Variants in PKP4 observed in about 807,000 individuals in gnomAD.
PKP4 encodes the protein plakophilin 4, also known as plakophilin-4.
In PKP4, 90 loss-of-function variants were observed where a neutral mutation model predicts 145.1. The observed-to-expected ratio is 0.62, with a 90% CI of 0.52 to 0.74. The LOEUF (loss-of-function observed/expected upper bound fraction) is 0.74. PKP4 is among the 30% of genes least tolerant of loss of function. The pLI, the probability that PKP4 is intolerant of heterozygous loss-of-function variation, is 0.00. For missense variants in PKP4, 1,340 were observed against 1,482.7 expected (o/e 0.90, Z 1.58); for synonymous variants, 563 against 577.2 (o/e 0.98, Z 0.35).
intron 4 of PKP4, among the ~76,000 whole-genome samples, chr2:158,618,278 A>G (rs1263658577): frequency 6.6e-6 from 1 of 152,222 alleles, no homozygotes; most frequent in African/African-American, 2.4e-5. Context: ...TTAGTTTTAT[A>G]TTTACTTAAA....
intron 8 of PKP4, 124 bp from the exon 9 acceptor site, chr2:158,633,946 A>T: frequency 1.7e-6 from 1 of 601,854 alleles, no homozygotes; most frequent in Non-Finnish European, 3.0e-6. Flanking sequence ...TTTAAAATCT[A>T]AAAGTAAGCG....
intron 2 of PKP4, among the ~76,000 whole-genome samples, chr2:158,550,409 A>G (rs1221101448): frequency 2.6e-5 from 4 of 152,248 alleles, no homozygotes; most frequent in African/African-American, 7.2e-5. Context: ...TCATGTAACC[A>G]TAATCAATAT....
intron 16 of PKP4, among the ~76,000 whole-genome samples, chr2:158,667,536 A>G (rs910072223): frequency 6.6e-6 from 1 of 152,188 alleles, no homozygotes; most frequent in African/African-American, 2.4e-5. Context: ...AATCTATAGT[A>G]AACTTAAAAT....
At chr2:158,632,168 A>T (rs930021294) in intron 8 of PKP4, among the ~76,000 whole-genome samples, 10 of 152,224 alleles carry the variant, frequency 6.6e-5, no homozygotes, top group Non-Finnish European at 1.0e-4. Context: ...CATAGTGATT[A>T]TACTGTTAAT....
intron 2 of PKP4, among the ~76,000 whole-genome samples, chr2:158,537,565 A>G (rs2105647409): frequency 6.6e-6 from 1 of 152,344 alleles, no homozygotes; most frequent in Middle Eastern, 3.4e-3. Context: ...GGCTGTAATT[A>G]GGATCATCCT....
intron 4 of PKP4, among the ~76,000 whole-genome samples, chr2:158,608,631 A>G (rs896689466): frequency 2.0e-5 from 3 of 151,984 alleles, no homozygotes; most frequent in African/African-American, 7.3e-5. Flanking sequence ...AGCAATCACA[A>G]CTGGTATTTA....
intron 1 of PKP4, among the ~76,000 whole-genome samples, chr2:158,516,884 A>T (rs2105548586): frequency 6.6e-6 from 1 of 152,066 alleles, no homozygotes; most frequent in African/African-American, 2.4e-5. Flanking sequence ...GCTGGTCTCG[A>T]ACTTCTGACC....
At chr2:158,608,959 G>A (rs1357834265) in intron 4 of PKP4, among the ~76,000 whole-genome samples, 2 of 151,392 alleles carry the variant, frequency 1.3e-5, no homozygotes. Context: ...GATTATAAGC[G>A]TGCACCACCA....
intron 1 of PKP4, among the ~76,000 whole-genome samples, chr2:158,522,077 A>G (rs1357399084): frequency 6.6e-6 from 1 of 152,208 alleles, no homozygotes; most frequent in African/African-American, 2.4e-5. Flanking sequence ...TATATTCCAG[A>G]CAGCTAACTC....
At chr2:158,675,602 A>G (rs2057938751) in intron 19 of PKP4, among the ~76,000 whole-genome samples, 1 of 152,204 alleles carries the variant, frequency 6.6e-6, no homozygotes, top group Non-Finnish European at 1.5e-5. Context: ...CTAAGGGCTG[A>G]TAATGCATCC....
At position 158,680,650 on chromosome 2, in the gene PKP4, C is replaced by G; in HGVS notation, c.3552C>G (p.Tyr1184Ter). The change falls in exon 22 of 22, where the codon TAC (tyrosine) becomes TAG (stop). Residue 1184 changes from tyrosine to a stop codon, truncating the protein, a stop_gained. Transcript: ENST00000389759. LOFTEE classifies it high-confidence loss of function. ...TKRPSYRAEQ[Y>*]PGSPDSWV ...GACCTTCTTATAGAGCAGAACAGTA[C>G]CCAGGGTCCCCAGACTCATGGGTGT... The G allele has an allele frequency of 6.2e-7, 1 of 1,613,478 alleles. No homozygotes were observed. The highest frequency in any genetic ancestry group is 8.5e-7 in the Non-Finnish European group (1 of 1,179,632).
chr2:158,462,837 A>C (rs1283032128), intron 1 of PKP4, among the ~76,000 whole-genome samples: 2 of 152,078 alleles, frequency 1.3e-5, no homozygotes, highest in Non-Finnish European at 2.9e-5. Context: ...AAAAGTACCC[A>C]CTTCATATGG....
At chr2:158,551,414 CAG>C (rs1212008912) in intron 2 of PKP4, among the ~76,000 whole-genome samples, 1 of 152,186 alleles carries the variant, frequency 6.6e-6, no homozygotes, top group African/African-American at 2.4e-5. Context: ...ATCATATTGA[CAG>C]AAACTTAGCT....
At chr2:158,588,792 T>C (rs928573732) in intron 3 of PKP4, 1 of 152,152 alleles carries the variant, frequency 6.6e-6, no homozygotes, top group African/African-American at 2.4e-5. Context: ...ATTTCCATAT[T>C]TTCTTTAGTG....
intron 1 of PKP4, among the ~76,000 whole-genome samples, chr2:158,471,280 A>G (rs942398361): frequency 6.6e-6 from 1 of 152,206 alleles, no homozygotes; most frequent in Non-Finnish European, 1.5e-5. Flanking sequence ...ACATAGCATG[A>G]ATTTTCTTCC....
chr2:158,651,369 C>T (rs1378662815), intron 11 of PKP4, among the ~76,000 whole-genome samples: 1 of 152,080 alleles, frequency 6.6e-6, no homozygotes, highest in African/African-American at 2.4e-5. Flanking sequence ...ACTTCCCTTC[C>T]CTTTTGGCCT....
chr2:158,676,043 G>A (rs2057980164), intron 19 of PKP4, among the ~76,000 whole-genome samples: 1 of 152,164 alleles, frequency 6.6e-6, no homozygotes, highest in African/African-American at 2.4e-5. Context: ...TAGATACGGT[G>A]TTACTAGATG....
chr2:158,642,777 G>A, intron 11 of PKP4, 78 bp downstream of exon 11: 1 of 1,023,304 alleles, frequency 9.8e-7, no homozygotes, highest in South Asian at 1.7e-5. Flanking sequence ...GTGGCACTAT[G>A]GAAGAGTTGG....
intron 2 of PKP4, among the ~76,000 whole-genome samples, chr2:158,545,645 A>G (rs1256093716): frequency 2.6e-5 from 4 of 152,164 alleles, no homozygotes; most frequent in Non-Finnish European, 5.9e-5. Flanking sequence ...TCTTATATCC[A>G]TATATAACTG....
Sources: allele counts gnomAD v4.1 joint callset (sites outside exome capture counted in the v4.1 genomes callset), GRCh38; gene constraint gnomAD v4.1.1; transcripts MANE v1.5; gene names NCBI Gene and HGNC (gene_info 2026-07-23, HGNC 2026-07-21).